Variants in SAMMSON observed in about 807,000 individuals in gnomAD.
SAMMSON encodes long intergenic non-protein coding RNA 1212.
At chr3:70,072,624 G>A (rs1262848407) in intron 4 of SAMMSON, 1 of 144,324 alleles carries the variant, frequency 6.9e-6, no homozygotes, top group Non-Finnish European at 1.5e-5. Flanking sequence ...AAGAGAAAAG[G>A]GGGGAAAATA....
chr3:70,137,521 T>G (rs2067510882), intron 4 of SAMMSON: 1 of 152,190 alleles, frequency 6.6e-6, no homozygotes, highest in South Asian at 2.1e-4. Flanking sequence ...TTTTTACATA[T>G]TGTCTCAACT....
At chr3:70,406,915 A>T (rs540949057) in intron 2 of SAMMSON, among the ~76,000 whole-genome samples, 25 of 152,358 alleles carry the variant, frequency 1.6e-4, no homozygotes, top group African/African-American at 6.0e-4. Flanking sequence ...CGTGCTGCTG[A>T]TAAAGACACA....
chr3:70,187,061 A>G (rs1347160380), intron 4 of SAMMSON, among the ~76,000 whole-genome samples: 3 of 152,152 alleles, frequency 2.0e-5, no homozygotes, highest in East Asian at 1.9e-4. Context: ...TCTAGCTACC[A>G]TGTTTCCTTC....
chr3:70,192,297 T>A (rs527659340), intron 4 of SAMMSON, among the ~76,000 whole-genome samples: 3 of 152,278 alleles, frequency 2.0e-5, no homozygotes, highest in African/African-American at 7.2e-5. Flanking sequence ...GTGTTTTAGA[T>A]CTCCAGGCCT....
At chr3:70,068,797 G>A (rs952484702) in intron 3 of SAMMSON, 1 of 152,184 alleles carries the variant, frequency 6.6e-6, no homozygotes, top group Admixed American at 6.6e-5. Flanking sequence ...AACCAGCTAT[G>A]TCCTGAATAC....
In SAMMSON at chr3:70,097,564, G is replaced by A. The variant is rs545975925; in HGVS notation, n.507+25999G>A. Among the ~76,000 whole-genome samples the A allele has an allele frequency of 1.1e-4, 17 of 152,280 alleles. No individual in the cohort carries two copies. In the South Asian group the frequency reaches 3.1e-3, roughly 28 times the overall value. On this transcript the variant is annotated intron_variant and non_coding_transcript_variant, in intron 4 of 9. Transcript: ENST00000642114. ...AACAGGCCCCAAATCAGGATGAATC[G>A]TATTGGCAGATGTTGGGTGCCAAGA...
At chr3:70,349,375 A>C (rs1702774988) in intron 7 of SAMMSON, among the ~76,000 whole-genome samples, 1 of 151,310 alleles carries the variant, frequency 6.6e-6, no homozygotes, top group Non-Finnish European at 1.5e-5. Context: ...CTCGGTCTTA[A>C]AAAAAAAATA....
intron 4 of SAMMSON, among the ~76,000 whole-genome samples, chr3:70,090,900 T>G (rs1389762185): frequency 2.0e-5 from 3 of 152,118 alleles, no homozygotes; most frequent in African/African-American, 7.2e-5. Context: ...TTAGATAAAT[T>G]TTGTATGCAG....
intron 2 of SAMMSON, among the ~76,000 whole-genome samples, chr3:70,403,731 T>A (rs2106764335): frequency 6.6e-6 from 1 of 152,282 alleles, no homozygotes; most frequent in South Asian, 2.1e-4. Context: ...TGTATAGAAA[T>A]CTTATAATAG....
At chr3:70,268,987 A>G (rs986566596) in intron 6 of SAMMSON, among the ~76,000 whole-genome samples, 2 of 152,218 alleles carry the variant, frequency 1.3e-5, no homozygotes. Flanking sequence ...ACCTTCTTGT[A>G]TATTACAAAG....
intron 4 of SAMMSON, among the ~76,000 whole-genome samples, chr3:70,142,685 GA>G (rs1239762208): frequency 5.9e-5 from 9 of 151,774 alleles, no homozygotes; most frequent in African/African-American, 2.2e-4. Flanking sequence ...ATAACCTATG[GA>G]AAAAAATCTG....
intron 4 of SAMMSON, among the ~76,000 whole-genome samples, chr3:70,216,475 G>A (rs1235899940): frequency 6.6e-6 from 1 of 151,950 alleles, no homozygotes; most frequent in Non-Finnish European, 1.5e-5. Flanking sequence ...AGAAAACGCG[G>A]GGATATCAAA....
intron 4 of SAMMSON, among the ~76,000 whole-genome samples, chr3:70,160,645 G>A (rs7614990): frequency 7.9e-5 from 12 of 151,886 alleles, no homozygotes; most frequent in African/African-American, 2.4e-4. Flanking sequence ...AACTTGGTTC[G>A]TTTCTCAAAC....
chr3:70,242,085 A>T (rs867422742), intron 4 of SAMMSON, among the ~76,000 whole-genome samples: 1 of 152,232 alleles, frequency 6.6e-6, no homozygotes, highest in Non-Finnish European at 1.5e-5. Flanking sequence ...GGTAAGGGCC[A>T]ATGATGTGTA....
chr3:70,073,810 C>T (rs2067238554), intron 4 of SAMMSON, among the ~76,000 whole-genome samples: 1 of 151,980 alleles, frequency 6.6e-6, no homozygotes, highest in Non-Finnish European at 1.5e-5. Context: ...GGGTGTGACC[C>T]AGATTGGAAT....
At chr3:70,067,434 T>C (rs1354207870) in intron 3 of SAMMSON, among the ~76,000 whole-genome samples, 1 of 152,068 alleles carries the variant, frequency 6.6e-6, no homozygotes, top group East Asian at 1.9e-4. Flanking sequence ...GGTTTTTTTC[T>C]TACTAGAAAT....
intron 4 of SAMMSON, among the ~76,000 whole-genome samples, chr3:70,171,491 AT>A (rs1700949968): frequency 6.6e-6 from 1 of 151,966 alleles, no homozygotes; most frequent in African/African-American, 2.4e-5. Context: ...AATGCTATAA[AT>A]AAAAATACAT....
chr3:70,167,787 G>T (rs2106696904), intron 4 of SAMMSON, among the ~76,000 whole-genome samples: 2 of 152,068 alleles, frequency 1.3e-5, no homozygotes, highest in East Asian at 3.9e-4. Flanking sequence ...ATGGTAATGG[G>T]CCACGCTGGA....
intron 3 of SAMMSON, chr3:70,014,551 C>T (rs575397577): frequency 6.6e-6 from 1 of 152,288 alleles, no homozygotes; most frequent in Admixed American, 6.5e-5. Context: ...AATCCATATG[C>T]ATCGGATCAG....
Sources: gnomAD v4.1 joint callset for allele counts (sites outside exome capture counted in the v4.1 genomes callset) on GRCh38, gnomAD v4.1.1 for gene constraint, MANE v1.5 for transcripts, NCBI Gene and HGNC (gene_info 2026-07-23, HGNC 2026-07-21) for gene names.